The following GAS2 variants were observed in gnomAD, a reference collection of about 807,000 sequenced individuals.
The protein encoded by GAS2 is growth arrest specific 2, also known as growth arrest-specific protein 2.
Under a neutral mutation model 37.5 loss-of-function variants are expected in GAS2, and 20 were observed. The ratio of observed to expected loss-of-function variants is 0.53; its 90% CI spans 0.37 to 0.77. The LOEUF (loss-of-function observed/expected upper bound fraction) is 0.77. Among genes scored for constraint, GAS2 ranks in the 30% least tolerant of loss-of-function variants. The pLI, the probability that GAS2 is intolerant of heterozygous loss-of-function variation, is 0.00. For synonymous variants in GAS2, 144 were observed against 132.2 expected (o/e 1.09, Z -0.61); for missense variants, 336 against 373.4 (o/e 0.90, Z 0.82).
chr11:22,740,467 TA>T (rs201054786), intron 5 of GAS2, among the ~76,000 whole-genome samples: 5 of 152,146 alleles, frequency 3.3e-5, no homozygotes, highest in African/African-American at 7.2e-5. Context: ...CCTTCAGCAA[TA>T]AAAAAAATCC....
chr11:22,798,711 C>T (rs114766415), intron 7 of GAS2, among the ~76,000 whole-genome samples: 5 of 151,984 alleles, frequency 3.3e-5, no homozygotes, highest in African/African-American at 7.2e-5. Flanking sequence ...TTGGCAAGGA[C>T]GTCTTTAAGT....
At chr11:22,682,888 G>GAAAAAAAAAAAAAAAAAAAGA (rs57025584) in intron 2 of GAS2, among the ~76,000 whole-genome samples, 1 of 102,356 alleles carries the variant, frequency 9.8e-6, no homozygotes, top group Non-Finnish European at 2.0e-5. Context: ...AAAAAAAAAG[G>GAAAAAAAAAAAAAAAAAAAGA]AAAAAAAAAA....
intron 1 of GAS2, among the ~76,000 whole-genome samples, chr11:22,651,090 A>G (rs1206579741): frequency 3.9e-5 from 6 of 152,232 alleles, no homozygotes; most frequent in East Asian, 1.9e-4. Flanking sequence ...CACTTCCTTC[A>G]GGAGCTCTTT....
At position 22,812,883 on chromosome 11, in the gene GAS2, G is replaced by C. The variant is rs920701305; in HGVS notation, c.*867G>C. On this transcript the variant is annotated 3_prime_UTR_variant, in exon 8 of 8. Coordinates refer to ENST00000454584, the MANE Select transcript of GAS2 (RefSeq NM_001143830.3). ...GTAAAGTAAATTCACTGTAGCTAAT[G>C]ATGTTACAGACTTACGTATACCCTT... 1.3e-5 allele frequency: 2 copies of C among 152,560 alleles called. No individual in the cohort carries two copies. The highest frequency in any genetic ancestry group is 2.4e-5 in the African/African-American group (1 of 41,432). The allele number at this position is 152,560 out of a possible 1,614,324, so 9.5% of individuals were successfully genotyped here.
intron 7 of GAS2, among the ~76,000 whole-genome samples, chr11:22,787,504 A>G (rs1227052079): frequency 7.5e-6 from 1 of 133,266 alleles, no homozygotes; most frequent in Non-Finnish European, 1.7e-5. Flanking sequence ...ACATACACAC[A>G]TACACATTAA....
At chr11:22,637,069 ATAT>A (rs1324314423) in intron 1 of GAS2, among the ~76,000 whole-genome samples, 20 of 132,408 alleles carry the variant, frequency 1.5e-4, no homozygotes, top group East Asian at 9.0e-4. Context: ...TATTATATTA[ATAT>A]TATATTAATA....
chr11:22,733,865 A>G (rs998790678), intron 4 of GAS2, among the ~76,000 whole-genome samples: 1 of 151,794 alleles, frequency 6.6e-6, no homozygotes, highest in Non-Finnish European at 1.5e-5. Context: ...TTTGTTTTGA[A>G]GAGAATTTGT....
chr11:22,701,952 A>T (rs571585524), intron 3 of GAS2, among the ~76,000 whole-genome samples: 1 of 152,356 alleles, frequency 6.6e-6, no homozygotes, highest in Non-Finnish European at 1.5e-5. Flanking sequence ...AAGATATAAC[A>T]GTATATACTG....
At chr11:22,655,238 A>G (rs1848841702) in intron 1 of GAS2, among the ~76,000 whole-genome samples, 2 of 152,160 alleles carry the variant, frequency 1.3e-5, no homozygotes, top group Non-Finnish European at 2.9e-5. Flanking sequence ...AGGCATACCT[A>G]ACTTGCCTGT....
intron 1 of GAS2, among the ~76,000 whole-genome samples, chr11:22,650,594 G>A (rs1416878930): frequency 6.8e-6 from 1 of 147,496 alleles, no homozygotes; most frequent in African/African-American, 2.5e-5. Flanking sequence ...TTATGAATCT[G>A]GGTGCTCCTG....
intron 4 of GAS2, among the ~76,000 whole-genome samples, chr11:22,727,437 C>T (rs527493111): frequency 1.3e-5 from 2 of 152,066 alleles, no homozygotes; most frequent in South Asian, 2.1e-4. Context: ...CATTCCCATG[C>T]GTAACCTAGG....
intron 7 of GAS2, among the ~76,000 whole-genome samples, chr11:22,805,701 T>C (rs893175811): frequency 1.5e-4 from 23 of 152,250 alleles, no homozygotes; most frequent in African/African-American, 5.3e-4. Context: ...AAAGCAAGTA[T>C]GTTAAGAAAG....
chr11:22,682,502 A>C (rs958302449), intron 2 of GAS2, among the ~76,000 whole-genome samples: 2 of 152,196 alleles, frequency 1.3e-5, no homozygotes, highest in Admixed American at 1.3e-4. Flanking sequence ...TTTATCTTAA[A>C]ATTTAAACTT....
intron 7 of GAS2, among the ~76,000 whole-genome samples, chr11:22,806,370 C>A (rs1564897325): frequency 6.6e-6 from 1 of 152,126 alleles, no homozygotes; most frequent in Non-Finnish European, 1.5e-5. Context: ...TAGGTTGACG[C>A]CATATCTTGG....
At chr11:22,681,258 T>C (rs1324364108) in intron 2 of GAS2, among the ~76,000 whole-genome samples, 2 of 152,174 alleles carry the variant, frequency 1.3e-5, no homozygotes, top group African/African-American at 2.4e-5. Flanking sequence ...CACTGATGTG[T>C]ATGTGTATGC....
At position 22,686,553 on chromosome 11, in the gene GAS2, TAAAAAAAAAAAAAAAAAAAAAAAAAAA is replaced by T. The variant is rs576718774; in HGVS notation, c.267+786_267+812del. 5.1e-4 allele frequency among the ~76,000 whole-genome samples: 24 copies of T among 47,246 alleles called. 1 individual carries two copies. Among genetic ancestry groups the T allele is most frequent in the African/African-American group, 1.2e-3 (16 of 13,184 alleles). The allele number at this position is 47,246 out of a possible 152,430, so 31.0% of individuals were successfully genotyped here. A position where few individuals can be genotyped will look rare whatever the true frequency, so the allele number is the denominator to read the frequency against. On this transcript the variant is annotated intron_variant, in intron 3 of 7. Transcript: ENST00000454584. ...CAACATGGCCAAAACCCGTCTCTACTAAAAAAAAAAAAAAAAAAAAAAAAAAAAAAAAAAAAAAAAAAAAAAAATAGC... is the reference window on the plus strand; with the variant it reads ...CAACATGGCCAAAACCCGTCTCTACTAAAAAAAAAAAAAAAAAAAAATAGC...
chr11:22,663,371 T>C (rs1848936709), upstream of GAS2, among the ~76,000 whole-genome samples: 1 of 150,006 alleles, frequency 6.7e-6, no homozygotes, highest in South Asian at 2.1e-4. Context: ...AAGGCTGCAG[T>C]AAGCCATGGC....
At chr11:22,647,207 A>C (rs1030559353) in intron 1 of GAS2, among the ~76,000 whole-genome samples, 5 of 151,682 alleles carry the variant, frequency 3.3e-5, no homozygotes, top group African/African-American at 1.2e-4. Flanking sequence ...TTTACTGAGA[A>C]TGATGATTTC....
intron 3 of GAS2, among the ~76,000 whole-genome samples, chr11:22,721,495 T>A (rs1245192969): frequency 6.6e-6 from 1 of 152,020 alleles, no homozygotes; most frequent in African/African-American, 2.4e-5. Context: ...GACATGGAGA[T>A]GATTTAGGAG....
Sources: allele counts gnomAD v4.1 joint callset (sites outside exome capture counted in the v4.1 genomes callset), GRCh38; gene constraint gnomAD v4.1.1; transcripts MANE v1.5; gene names NCBI Gene and HGNC (gene_info 2026-07-23, HGNC 2026-07-21).